Variants in MECR observed in about 807,000 individuals in gnomAD.
The protein encoded by MECR is enoyl-[acyl-carrier-protein] reductase, mitochondrial.
Under a neutral mutation model 49.1 loss-of-function variants are expected in MECR, and 37 were observed. The ratio of observed to expected loss-of-function variants is 0.75; its 90% confidence interval spans 0.58 to 0.99. The LOEUF is 0.99. Among genes scored for constraint, MECR ranks in the 50% least tolerant of loss-of-function variants. The pLI, the probability that MECR is intolerant of heterozygous loss-of-function variation, is 0.00. For synonymous variants in MECR, 198 were observed against 191.1 expected, an observed-to-expected ratio of 1.04 and a Z score of -0.30; for missense variants, 470 against 479.6, an observed-to-expected ratio of 0.98 and a Z score of 0.19.
At chr1:29,181,824 G>A in the MECR span, 4 of 1,266,968 alleles carry the variant, frequency 3.2e-6, no homozygotes, top group African/African-American at 3.1e-5. Context: ...GCGAGAGCAC[G>A]GCGGCAGCGG....
chr1:29,206,937 GAAGGAGC>G, intron 3 of MECR, 32 bp from the exon 4 acceptor site: 3 of 1,612,818 alleles, frequency 1.9e-6, no homozygotes, highest in Non-Finnish European at 2.5e-6. Flanking sequence ...GGATCATAAG[GAAGGAGC>G]CCTGTGCACA....
downstream of MECR, among the ~76,000 whole-genome samples, chr1:29,190,926 A>G (rs1673112533): frequency 1.3e-5 from 2 of 152,104 alleles, no homozygotes; most frequent in South Asian, 2.1e-4. Context: ...CCGGCCTGCC[A>G]TGTACCCACC....
the MECR span, among the ~76,000 whole-genome samples, chr1:29,186,630 C>CTTCT: frequency 6.6e-6 from 1 of 152,312 alleles, no homozygotes. Context: ...TCAATGGCCT[C>CTTCT]CTGATTCTGC....
At chr1:29,214,211 G>A (rs1182229489) in intron 3 of MECR, among the ~76,000 whole-genome samples, 1 of 151,746 alleles carries the variant, frequency 6.6e-6, no homozygotes, top group South Asian at 2.1e-4. Flanking sequence ...ACAGGTGCAC[G>A]CCACCATGCC....
the MECR span, among the ~76,000 whole-genome samples, chr1:29,175,518 AC>A: frequency 6.7e-6 from 1 of 149,936 alleles, no homozygotes; most frequent in African/African-American, 2.5e-5. Flanking sequence ...ACACAGTGAA[AC>A]CCCGTCTCTA....
At chr1:29,181,510 G>T in the MECR span, 2 of 704,858 alleles carry the variant, frequency 2.8e-6, no homozygotes, top group African/African-American at 1.9e-5. Flanking sequence ...CCCCCGAGGC[G>T]CCGCCACTAT....
Position 29,216,834 on chromosome 1 carries a change from A to G in MECR, c.177-149T>C, listed in dbSNP as rs1338867190. The G allele has an allele frequency of 1.6e-5, 24 of 1,475,334 alleles. No homozygotes were observed. In the East Asian group the frequency reaches 3.7e-4, roughly 23 times the overall value. The allele number at this position is 1,475,334 out of a possible 1,614,324, so 91.4% of individuals were successfully genotyped here. ...GGTTCTGTTATAAAAGAGAGGTACC[A>G]TAAGAAATCAACACAGGAGGCTGGG... On this transcript the variant is annotated intron_variant, in intron 1 of 9. Coordinates refer to ENST00000263702, the MANE Select transcript of MECR (RefSeq NM_016011.5).
At chr1:29,173,131 T>A in the MECR span, 2 of 18,380 alleles carry the variant, frequency 1.1e-4, no homozygotes, top group Non-Finnish European at 3.6e-4. Context: ...TCAAAAAGGC[T>A]TTTTTTTTTT....
chr1:29,219,114 G>A (rs1448462018), intron 1 of MECR, among the ~76,000 whole-genome samples: 4 of 152,194 alleles, frequency 2.6e-5, no homozygotes, highest in African/African-American at 9.7e-5. Flanking sequence ...CTTATGGGGA[G>A]ATGGAGGGAG....
rs187344899 is a variant in MECR at position 29,211,286 on chromosome 1, C to T, written c.407-4381G>A. Among the ~76,000 whole-genome samples, 9 of 152,328 alleles carry T rather than the reference C, an allele frequency of 5.9e-5. No homozygotes were observed. In the East Asian group the frequency reaches 1.7e-3, roughly 29 times the overall value. On this transcript the variant is annotated intron_variant, in intron 3 of 9. Coordinates refer to ENST00000263702, the MANE Select transcript of MECR (RefSeq NM_016011.5). ...CTTTCACCAAGTTGCCCAGGCCATT[C>T]TTGAACTCTTGGACTCAAGCGATCT... is the stretch of plus-strand genomic sequence containing the variant.
At chr1:29,220,908 C>T in intron 1 of MECR, 1 of 985,330 alleles carries the variant, frequency 1.0e-6, no homozygotes, top group Non-Finnish European at 1.2e-6. Context: ...TGGAACAATT[C>T]CCTGGTTATA....
At chr1:29,176,018 C>T in the MECR span, among the ~76,000 whole-genome samples, 15 of 152,048 alleles carry the variant, frequency 9.9e-5, no homozygotes, top group African/African-American at 3.4e-4. Context: ...TTTGGGAGGC[C>T]GAGGCAGGTG....
chr1:29,184,956 C>T, the MECR span, among the ~76,000 whole-genome samples: 2 of 151,912 alleles, frequency 1.3e-5, no homozygotes, highest in Admixed American at 6.6e-5. Flanking sequence ...GAAACCCTGT[C>T]TCTATTAAAA....
intron 9 of MECR, among the ~76,000 whole-genome samples, chr1:29,195,465 G>GGGA (rs1251449944): frequency 6.6e-6 from 1 of 152,168 alleles, no homozygotes; most frequent in East Asian, 1.9e-4. Flanking sequence ...CCTCCCTGCA[G>GGGA]GGAGGTGACT....
chr1:29,181,762 G>A, the MECR span: 12 of 1,568,626 alleles, frequency 7.7e-6, no homozygotes, highest in Admixed American at 9.1e-5. Flanking sequence ...TCCCGGCAAC[G>A]GCAGTGATGG....
At chr1:29,215,169 A>G (rs1018579675) in intron 3 of MECR, among the ~76,000 whole-genome samples, 92 of 152,262 alleles carry the variant, frequency 6.0e-4, no homozygotes, top group African/African-American at 1.9e-3. Context: ...CCTCTCCCAT[A>G]TGCAAACCCT....
rs1206224959 is a variant in MECR, at chr1:29,193,851, C to T, written c.*171G>A. 3 of 730,438 alleles carry T rather than the reference C, an allele frequency of 4.1e-6. No individual in the cohort carries two copies. Among genetic ancestry groups the T allele is most frequent in the South Asian group, 1.8e-5 (1 of 55,060 alleles). 45.2% of individuals were successfully genotyped at this position (730,438 alleles called of 1,614,324 possible). A position where few individuals can be genotyped will look rare whatever the true frequency, so the allele number is the denominator to read the frequency against. ...GGGAGAGTTCAGACTTTATTAGATA[C>T]CTTAAGGCTGGCCCTGGGGAAAACC... On this transcript the variant is annotated 3_prime_UTR_variant, in exon 10 of 10. Coordinates refer to ENST00000263702, the MANE Select transcript of MECR (RefSeq NM_016011.5).
intron 1 of MECR, among the ~76,000 whole-genome samples, chr1:29,216,978 A>G (rs918345954): frequency 1.3e-4 from 19 of 151,816 alleles, no homozygotes; most frequent in African/African-American, 4.6e-4. Flanking sequence ...CTACTAAAAT[A>G]CAAAAATTAG....
At chr1:29,194,249 G>A in intron 9 of MECR, 70 bp from the exon 10 acceptor site, 1 of 1,491,594 alleles carries the variant, frequency 6.7e-7, no homozygotes, top group Non-Finnish European at 9.0e-7. Context: ...GCACGGGGCT[G>A]CCCTATGGGC....
Sources: gnomAD v4.1 joint callset for allele counts (sites outside exome capture counted in the v4.1 genomes callset) on GRCh38, gnomAD v4.1.1 for gene constraint, MANE v1.5 for transcripts, NCBI Gene and HGNC (gene_info 2026-07-23, HGNC 2026-07-21) for gene names.